The following DLG2 variants were observed in gnomAD, a reference collection of about 807,000 sequenced individuals.
DLG2 encodes the protein disks large homolog 2.
DLG2 carries 45 observed loss-of-function variants against 132.5 expected under a neutral mutation model. The ratio of observed to expected loss-of-function variants is 0.34; its 90% CI spans 0.27 to 0.44. DLG2 has a LOEUF of 0.44. DLG2 is among the 20% of genes least tolerant of loss of function. The pLI, the probability that DLG2 is intolerant of heterozygous loss-of-function variation, is 1.00. For synonymous variants in DLG2, 424 were observed against 419.6 expected (o/e 1.01, Z -0.13); for missense variants, 1,045 against 1,196.9 (o/e 0.87, Z 1.87).
At chr11:83,685,647 C>A (rs550380193) in intron 18 of DLG2, among the ~76,000 whole-genome samples, 27 of 152,106 alleles carry the variant, frequency 1.8e-4, no homozygotes, top group Admixed American at 1.2e-3. Context: ...GCTAGCCATC[C>A]GGTATCAAGA....
chr11:84,769,350 G>C (rs185015369), intron 6 of DLG2, among the ~76,000 whole-genome samples: 84 of 152,238 alleles, frequency 5.5e-4, no homozygotes, highest in Admixed American at 5.4e-3. Flanking sequence ...ACAATTGAAA[G>C]CTTTATCAAC....
At chr11:84,389,451 G>A (rs932203125) in intron 7 of DLG2, among the ~76,000 whole-genome samples, 1 of 151,860 alleles carries the variant, frequency 6.6e-6, no homozygotes, top group African/African-American at 2.4e-5. Flanking sequence ...TATATTACAT[G>A]GTATATATTG....
chr11:85,382,758 T>C (rs1011362944), intron 3 of DLG2, among the ~76,000 whole-genome samples: 7 of 152,142 alleles, frequency 4.6e-5, no homozygotes, highest in Non-Finnish European at 8.8e-5. Context: ...TCATTAGTCA[T>C]TAGGGAAATG....
chr11:84,047,606 A>G lies in DLG2; in HGVS notation c.919+11709T>C, dbSNP rs548910853. ...ATGATAAAACTTTAAATGTTGAAAA[A>G]CCAAAAGTACATTTAGTACAGTGCA... On this transcript the variant is annotated intron_variant, in intron 11 of 27. Coordinates refer to ENST00000376104, the MANE Select transcript of DLG2 (RefSeq NM_001142699.3). Among the ~76,000 whole-genome samples, 132 of 151,776 alleles carry G rather than the reference A, an allele frequency of 8.7e-4. 1 individual carries two copies. The Middle Eastern group carries it at 0.014, about 16-fold the overall frequency.
chr11:83,884,957 C>T (rs955895774), intron 15 of DLG2, among the ~76,000 whole-genome samples: 86 of 152,228 alleles, frequency 5.6e-4, no homozygotes, highest in African/African-American at 1.9e-3. Context: ...ACAACACCAT[C>T]ATCAAAGACC....
intron 11 of DLG2, among the ~76,000 whole-genome samples, chr11:84,048,943 G>A (rs1227077981): frequency 6.6e-6 from 1 of 151,674 alleles, no homozygotes; most frequent in Non-Finnish European, 1.5e-5. Flanking sequence ...GTTAAGAACA[G>A]TGCATTTAAT....
chr11:84,463,576 T>C (rs774797717), intron 7 of DLG2, among the ~76,000 whole-genome samples: 2 of 151,134 alleles, frequency 1.3e-5, no homozygotes, highest in Non-Finnish European at 3.0e-5. Context: ...ATTATTTCTT[T>C]GTAGATGAAA....
chr11:84,144,018 G>A (rs1024227964), intron 9 of DLG2, among the ~76,000 whole-genome samples: 14 of 152,046 alleles, frequency 9.2e-5, no homozygotes. Flanking sequence ...TGATTATGTT[G>A]ACTAAGAAAG....
chr11:84,369,596 A>C (rs532097031), intron 7 of DLG2, among the ~76,000 whole-genome samples: 58 of 152,262 alleles, frequency 3.8e-4, no homozygotes, highest in Middle Eastern at 3.4e-3. Flanking sequence ...TGTTTTGTTG[A>C]AAGTTGGCCC....
At chr11:84,489,452 G>A (rs1305612193) in intron 7 of DLG2, among the ~76,000 whole-genome samples, 2 of 152,038 alleles carry the variant, frequency 1.3e-5, no homozygotes, top group South Asian at 4.1e-4. Context: ...TCCAGTGAAA[G>A]GAACACACAG....
At chr11:85,427,136 C>A (rs1295755502) in intron 3 of DLG2, among the ~76,000 whole-genome samples, 1 of 152,020 alleles carries the variant, frequency 6.6e-6, no homozygotes, top group Non-Finnish European at 1.5e-5. Context: ...GTGAAAAGAC[C>A]AAATCTACAT....
chr11:83,860,296 T>A (rs989304780), intron 16 of DLG2, among the ~76,000 whole-genome samples: 1 of 152,058 alleles, frequency 6.6e-6, no homozygotes, highest in Non-Finnish European at 1.5e-5. Context: ...TACCAGCCCA[T>A]GAAAGCAGCT....
intron 2 of DLG2, among the ~76,000 whole-genome samples, chr11:85,614,458 T>G (rs1420612360): frequency 6.6e-6 from 1 of 152,042 alleles, no homozygotes; most frequent in Non-Finnish European, 1.5e-5. Context: ...CTGACCAACA[T>G]GGAGAAACCC....
intron 10 of DLG2, among the ~76,000 whole-genome samples, chr11:84,096,894 T>A (rs2097172724): frequency 1.8e-5 from 1 of 54,218 alleles, no homozygotes; most frequent in African/African-American, 5.5e-5. Context: ...AGATGCACAT[T>A]TACCTGAAAA....
intron 6 of DLG2, among the ~76,000 whole-genome samples, chr11:84,826,819 A>G (rs2078381880): frequency 6.6e-6 from 1 of 151,804 alleles, no homozygotes; most frequent in African/African-American, 2.4e-5. Flanking sequence ...CCACACAATA[A>G]CCAGACTAAC....
At chr11:84,509,959 T>C (rs1243411398) in intron 7 of DLG2, among the ~76,000 whole-genome samples, 1 of 151,786 alleles carries the variant, frequency 6.6e-6, no homozygotes, top group Non-Finnish European at 1.5e-5. Context: ...TTAAACCTTA[T>C]ATATGAAGAA....
chr11:83,675,320 G>A (rs765912203), intron 18 of DLG2, among the ~76,000 whole-genome samples: 12 of 152,108 alleles, frequency 7.9e-5, no homozygotes, highest in East Asian at 1.9e-4. Context: ...TGTCTCATTC[G>A]CAAAGTGATA....
intron 2 of DLG2, chr11:85,624,977 G>C (rs1221976368): frequency 2.6e-5 from 4 of 152,256 alleles, no homozygotes; most frequent in African/African-American, 9.6e-5. Context: ...GTTCTTTAAA[G>C]GGAAGAACTT....
chr11:85,117,923 A>G (rs2073860565), intron 5 of DLG2, among the ~76,000 whole-genome samples: 1 of 152,090 alleles, frequency 6.6e-6, no homozygotes, highest in Non-Finnish European at 1.5e-5. Context: ...AGGACCACTG[A>G]CATTAAGCCA....
Sources: allele counts gnomAD v4.1 joint callset (sites outside exome capture counted in the v4.1 genomes callset), GRCh38; gene constraint gnomAD v4.1.1; transcripts MANE v1.5; gene names NCBI Gene and HGNC (gene_info 2026-07-23, HGNC 2026-07-21).